CFAP92: variants seen among roughly 807,000 people sequenced by gnomAD.
The protein encoded by CFAP92 is uncharacterized protein CFAP92.
Under a neutral mutation model 106.3 loss-of-function variants are expected in CFAP92, and 86 were observed. The ratio of observed to expected loss-of-function variants is 0.81; its 90% confidence interval spans 0.68 to 0.97. The LOEUF is 0.97. Ranked by LOEUF, CFAP92 falls within the 50% of genes least tolerant of loss-of-function variation. The pLI, the probability that CFAP92 is intolerant of heterozygous loss-of-function variation, is 0.00. For synonymous variants in CFAP92, 477 were observed against 506.4 expected, an observed-to-expected ratio of 0.94 and a Z score of 0.78; for missense variants, 1,204 against 1,283.8, an observed-to-expected ratio of 0.94 and a Z score of 0.95.
chr3:128,945,607 G>A lies in CFAP92; in HGVS notation c.1722C>T (p.Leu574=), dbSNP rs769493804. The change falls in exon 10 of 16, where the codon CTC becomes CTT. Residue 574 remains leucine (L), a synonymous_variant. Transcript: ENST00000645291. Reference sequence around the variant, plus strand: ...CCAGATTCAAGTACTTGTGGCCAAGGAGGAGGTCAGCAAAACTGACCTGGG... The same window carrying A: ...CCAGATTCAAGTACTTGTGGCCAAGAAGGAGGTCAGCAAAACTGACCTGGG... ...GIAQVSFADL[L]LGHKYLNLAV... is the part of the protein sequence containing the mutation. 4.6e-6 allele frequency: 7 copies of A among 1,536,148 alleles called. No homozygotes were observed. The South Asian group carries it at 8.3e-5, about 18-fold the overall frequency.
At chr3:128,989,042 G>A (rs1233675309) in intron 2 of CFAP92, 124 bp from the exon 3 acceptor site, 5 of 736,264 alleles carry the variant, frequency 6.8e-6, no homozygotes, top group East Asian at 2.7e-5. Flanking sequence ...GCCCGACTTG[G>A]GGAAGGAGGT....
At chr3:128,915,080 G>C (rs1437658824) in intron 15 of CFAP92, 39 bp downstream of exon 15, 1 of 1,526,164 alleles carries the variant, frequency 6.6e-7, no homozygotes, top group Non-Finnish European at 8.8e-7. Context: ...CCTGCCCACG[G>C]CATCAGGAGG....
At position 128,945,938 on chromosome 3, in the gene CFAP92, T is replaced by C; in HGVS notation, c.1391A>G (p.His464Arg). The C allele has an allele frequency of 6.9e-7, 1 of 1,449,010 alleles. No homozygotes were observed. The highest frequency in any genetic ancestry group is 9.0e-7 in the Non-Finnish European group (1 of 1,108,166). 89.8% of individuals were successfully genotyped at this position (1,449,010 alleles called of 1,614,324 possible). A position where few individuals can be genotyped will look rare whatever the true frequency, so the allele number is the denominator to read the frequency against. ...CTTGGTCTTGTGAACTGGAGTCTTATGGAACTGGTACTTGCAGTACACAGG... is the reference window on the plus strand; with the variant it reads ...CTTGGTCTTGTGAACTGGAGTCTTACGGAACTGGTACTTGCAGTACACAGG... ...CMPVYCKYQF[H>R]KTPVHKTKGE... is the part of the protein sequence containing the mutation. Residue 464 changes from histidine (H) to arginine (R), a missense_variant, in exon 10 of 16, where the codon CAT (histidine) becomes CGT (arginine). Coordinates refer to ENST00000645291, the MANE Select transcript of CFAP92 (RefSeq NM_001394090.1).
In CFAP92 at chr3:128,993,377, A is replaced by G. The variant is rs1944341650; in HGVS notation, c.-32-41T>C. The G allele has an allele frequency of 2.0e-6, 3 of 1,535,454 alleles. No homozygotes were observed. The Admixed American group carries it at 5.9e-5, about 30-fold the overall frequency. On this transcript the variant is annotated intron_variant, in intron 1 of 15. Transcript: ENST00000645291. ...TGAAGGCTGTCCCCGCCTGTATTCC[A>G]GGGCTGCTCCAGGAGGTAAGCCCGG... is the stretch of plus-strand genomic sequence containing the variant.
intron 9 of CFAP92, among the ~76,000 whole-genome samples, chr3:128,958,342 T>C (rs1941608697): frequency 6.6e-6 from 1 of 152,196 alleles, no homozygotes; most frequent in Admixed American, 6.5e-5. Context: ...ATCTTTGTGA[T>C]GATAGAATAT....
chr3:128,948,512 C>A (rs1253037923), intron 9 of CFAP92, among the ~76,000 whole-genome samples: 1 of 149,376 alleles, frequency 6.7e-6, no homozygotes, highest in African/African-American at 2.5e-5. Flanking sequence ...GCGTGAGCCA[C>A]CGTGCCCATC....
chr3:129,002,450 TC>T, intron 1 of CFAP92: 1 of 1,389,350 alleles, frequency 7.2e-7, no homozygotes, highest in Non-Finnish European at 9.3e-7. Flanking sequence ...CCCCACACCA[TC>T]CCACTCCGCA....
At position 128,925,233 on chromosome 3, in the gene CFAP92, A is replaced by T. The variant is rs1307991942; in HGVS notation, c.2751+7467T>A. On this transcript the variant is annotated intron_variant, in intron 12 of 15. Transcript: ENST00000645291. Reference sequence around the variant, plus strand: ...GGATGAAACTGTTCCACCTCAGCTCATCAGGCATTGGTTAGAGTCTCATAA... The same window carrying T: ...GGATGAAACTGTTCCACCTCAGCTCTTCAGGCATTGGTTAGAGTCTCATAA... Among the ~76,000 whole-genome samples the T allele has an allele frequency of 2.0e-5, 3 of 152,250 alleles. No individual in the cohort carries two copies. In the East Asian group the frequency reaches 5.8e-4, roughly 29 times the overall value.
Position 128,915,466 on chromosome 3 carries a change from G to T in CFAP92, c.3014C>A (p.Ser1005Tyr). 1.3e-6 allele frequency: 2 copies of T among 1,536,108 alleles called. No homozygotes were observed. The highest frequency in any genetic ancestry group is 1.2e-5 in the South Asian group (1 of 84,060). The part of the protein sequence containing the change: ...KEEEKKAQKK[S>Y]RQAWLTARGF... ...CCTGGCTGTGAGCCAGGCCTGGCGG[G>T]ATTTCTTCTGGGCTTTCTTCTCCTC... is the stretch of plus-strand genomic sequence containing the variant. The change falls in exon 14 of 16, where the codon TCC (serine) becomes TAC (tyrosine). Residue 1005 changes from serine to tyrosine, a missense_variant. Ser to Tyr is a moderately radical substitution (Grantham distance 144). Coordinates refer to ENST00000645291, the MANE Select transcript of CFAP92 (RefSeq NM_001394090.1).
chr3:128,993,436 G>T, intron 1 of CFAP92, 100 bp from the exon 2 acceptor site: 1 of 1,266,440 alleles, frequency 7.9e-7, no homozygotes, highest in Non-Finnish European at 1.1e-6. Flanking sequence ...TCTCTTCCCT[G>T]CTTCCCCCGC....
intron 12 of CFAP92, among the ~76,000 whole-genome samples, chr3:128,917,459 G>A (rs968335894): frequency 1.3e-5 from 2 of 152,162 alleles, no homozygotes; most frequent in African/African-American, 4.8e-5. Flanking sequence ...TCTTCTGGGT[G>A]CCTGAGATTC....
intron 10 of CFAP92, among the ~76,000 whole-genome samples, chr3:128,940,813 A>G (rs949459472): frequency 3.3e-5 from 5 of 152,180 alleles, no homozygotes; most frequent in African/African-American, 1.2e-4. Context: ...CTTCTTTAAA[A>G]AAGACCTTTA....
At chr3:128,910,890 C>G (rs1936221884) in intron 15 of CFAP92, 4 of 1,529,298 alleles carry the variant, frequency 2.6e-6, no homozygotes, top group Non-Finnish European at 3.6e-6. Context: ...TTTCTGGACC[C>G]TGTCAAGCTC....
intron 4 of CFAP92, among the ~76,000 whole-genome samples, chr3:128,983,540 T>C (rs551686994): frequency 1.4e-4 from 22 of 152,220 alleles, no homozygotes; most frequent in African/African-American, 5.3e-4. Flanking sequence ...AGGCCTCGCA[T>C]GCACATGGCA....
At chr3:129,025,371 C>A in the CFAP92 span, among the ~76,000 whole-genome samples, 7 of 152,088 alleles carry the variant, frequency 4.6e-5, no homozygotes, top group African/African-American at 1.4e-4. Context: ...CCGGAAGCCA[C>A]GGGAAGAGTG....
intron 9 of CFAP92, among the ~76,000 whole-genome samples, chr3:128,958,934 G>T (rs1389978647): frequency 1.3e-5 from 2 of 152,102 alleles, no homozygotes; most frequent in Non-Finnish European, 2.9e-5. Flanking sequence ...GACAAGGTTG[G>T]ACGCAGTGGC....
rs1305747177 is a variant in CFAP92 at position 128,910,033 on chromosome 3, G to T, written c.*266C>A. On this transcript the variant is annotated 3_prime_UTR_variant, in exon 16 of 16. Coordinates refer to ENST00000645291, the MANE Select transcript of CFAP92 (RefSeq NM_001394090.1). ...TCTGTGATCCCAGACCATCATGGAG[G>T]AGCAGCTGGTACTGAAGCGGGTGGC... 1 of 1,613,728 alleles carries T rather than the reference G, an allele frequency of 6.2e-7. No homozygotes were observed. The highest frequency in any genetic ancestry group is 8.5e-7 in the Non-Finnish European group (1 of 1,179,946).
chr3:128,942,402 G>C (rs1213357779), intron 10 of CFAP92, among the ~76,000 whole-genome samples: 3 of 152,170 alleles, frequency 2.0e-5, no homozygotes, highest in Admixed American at 6.5e-5. Context: ...GTTTCCAGGG[G>C]GCTCCACTGC....
intron 2 of CFAP92, 25 bp downstream of exon 2, chr3:128,993,018 G>A (rs1009879280): frequency 1.9e-6 from 3 of 1,612,742 alleles, no homozygotes; most frequent in Non-Finnish European, 2.5e-6. Context: ...TTCAGAGGGT[G>A]TTAAACTTCT....
Sources: gnomAD v4.1 joint callset for allele counts (sites outside exome capture counted in the v4.1 genomes callset) on GRCh38, gnomAD v4.1.1 for gene constraint, MANE v1.5 for transcripts, NCBI Gene and HGNC (gene_info 2026-07-23, HGNC 2026-07-21) for gene names.